The following KLHL4 variants were observed in gnomAD, a reference collection of about 807,000 sequenced individuals.
KLHL4 encodes kelch-like protein 4.
In KLHL4, 17 loss-of-function variants were observed where a neutral mutation model predicts 45.8. That is an observed-to-expected ratio of 0.37 (90% CI 0.25 to 0.56). The LOEUF is 0.56. KLHL4 is among the 20% of genes least tolerant of loss of function. The pLI, the probability that KLHL4 is intolerant of heterozygous loss-of-function variation, is 0.79. For synonymous variants in KLHL4, 224 were observed against 189.9 expected (o/e 1.18, Z -1.47); for missense variants, 544 against 544.9 (o/e 1.00, Z 0.02).
chrX:87,547,367 T>G lies in KLHL4; in HGVS notation c.422+29052T>G, dbSNP rs994086889. 2.3e-4 allele frequency among the ~76,000 whole-genome samples: 26 copies of G among 111,175 alleles called. 1 individual carries two copies. Among genetic ancestry groups the G allele is most frequent in the African/African-American group, 8.5e-4 (26 of 30,519 alleles). On this transcript the variant is annotated intron_variant, in intron 1 of 10. Coordinates refer to ENST00000373119, the MANE Select transcript of KLHL4 (RefSeq NM_019117.5). ...TGCTGCAGTTTAAGAGGTGCCTGCT[T>G]CCCCTTTCACCATGAATGTAGGTTT...
chrX:87,632,123 T>C (rs1474845351), intron 6 of KLHL4, 87 bp from the exon 7 acceptor site: 1 of 530,086 alleles, frequency 1.9e-6, no homozygotes, highest in African/African-American at 2.3e-5. Context: ...TGCTGTAAGT[T>C]ATGGGTACAT....
At chrX:87,550,925 A>G (rs1053652783) in intron 1 of KLHL4, among the ~76,000 whole-genome samples, 44 of 110,927 alleles carry the variant, frequency 4.0e-4, no homozygotes, top group African/African-American at 1.4e-3. Context: ...AGTTGAAAGC[A>G]TCCTTCTGAG....
chrX:87,644,728 T>A (rs1289383693), intron 9 of KLHL4, among the ~76,000 whole-genome samples: 2 of 111,314 alleles, frequency 1.8e-5, no homozygotes, highest in Admixed American at 9.6e-5. Flanking sequence ...TGGAACAGAA[T>A]AGAGAACCCA....
At chrX:87,634,324 C>T (rs1255643268) in intron 8 of KLHL4, among the ~76,000 whole-genome samples, 1 of 111,498 alleles carries the variant, frequency 9.0e-6, no homozygotes, top group Non-Finnish European at 1.9e-5. Flanking sequence ...TTTCAACAAT[C>T]CCTCTCCTGA....
intron 1 of KLHL4, among the ~76,000 whole-genome samples, chrX:87,548,375 A>G (rs887032012): frequency 8.9e-6 from 1 of 111,808 alleles, no homozygotes; most frequent in African/African-American, 3.2e-5. Context: ...ACTTCAGGAA[A>G]ACAAACAAAC....
chrX:87,657,082 C>T (rs1398686942), intron 9 of KLHL4, among the ~76,000 whole-genome samples: 3 of 110,955 alleles, frequency 2.7e-5, no homozygotes, highest in Non-Finnish European at 5.7e-5. Flanking sequence ...TGGCAGAGCT[C>T]TCCATAAGCT....
intron 9 of KLHL4, among the ~76,000 whole-genome samples, chrX:87,663,812 A>T (rs552510497): frequency 2.3e-4 from 26 of 112,317 alleles, no homozygotes; most frequent in African/African-American, 6.8e-4. Flanking sequence ...AAAATTGTAG[A>T]TGTGAGAGCA....
intron 9 of KLHL4, among the ~76,000 whole-genome samples, chrX:87,642,295 T>G (rs1923488112): frequency 9.0e-6 from 1 of 110,693 alleles, no homozygotes; most frequent in Non-Finnish European, 1.9e-5. Context: ...GAGACAACAA[T>G]CACTGCAGTT....
At chrX:87,531,394 T>C (rs1211464171) in intron 1 of KLHL4, among the ~76,000 whole-genome samples, 2 of 111,490 alleles carry the variant, frequency 1.8e-5, no homozygotes, top group Non-Finnish European at 3.8e-5. Context: ...GTTTGTATGG[T>C]TTTAGGTCTA....
intron 1 of KLHL4, among the ~76,000 whole-genome samples, chrX:87,605,061 C>T (rs1308280891): frequency 9.0e-6 from 1 of 111,242 alleles, no homozygotes; most frequent in African/African-American, 3.3e-5. Context: ...TTATTGAAAA[C>T]CACTTGACTA....
intron 1 of KLHL4, among the ~76,000 whole-genome samples, chrX:87,610,030 A>G (rs1251120217): frequency 4.5e-5 from 5 of 111,588 alleles, no homozygotes; most frequent in Admixed American, 9.6e-5. Context: ...TGTCAAAACT[A>G]TATCAAGGAT....
intron 1 of KLHL4, among the ~76,000 whole-genome samples, chrX:87,531,698 A>C (rs1487337707): frequency 1.9e-5 from 2 of 103,921 alleles, no homozygotes; most frequent in Non-Finnish European, 3.9e-5. Flanking sequence ...ACAGACAAAC[A>C]GAGAGCCAAA....
intron 1 of KLHL4, among the ~76,000 whole-genome samples, chrX:87,589,814 G>C (rs1921599776): frequency 9.2e-6 from 1 of 109,149 alleles, no homozygotes; most frequent in Non-Finnish European, 1.9e-5. Flanking sequence ...TGGATCACCT[G>C]AGGTCGGGAG....
intron 1 of KLHL4, among the ~76,000 whole-genome samples, chrX:87,530,854 C>G (rs1306432572): frequency 9.2e-6 from 1 of 108,914 alleles, no homozygotes; most frequent in South Asian, 4.1e-4. Context: ...ACACTGACTT[C>G]CAAAATGGTT....
At chrX:87,550,141 AT>A (rs1345965983) in intron 1 of KLHL4, among the ~76,000 whole-genome samples, 2 of 111,273 alleles carry the variant, frequency 1.8e-5, no homozygotes, top group Non-Finnish European at 3.8e-5. Flanking sequence ...ATGCCAATAA[AT>A]TGGAAAATAA....
At chrX:87,607,473 C>A (rs898203958) in intron 1 of KLHL4, among the ~76,000 whole-genome samples, 9 of 111,806 alleles carry the variant, frequency 8.0e-5, no homozygotes, top group Non-Finnish European at 1.1e-4. Flanking sequence ...CCAGCTTACA[C>A]TCCATGTAGC....
chrX:87,544,964 G>A (rs1931642432), intron 1 of KLHL4, among the ~76,000 whole-genome samples: 3 of 111,917 alleles, frequency 2.7e-5, no homozygotes, highest in Admixed American at 9.5e-5. Flanking sequence ...ATTAAATATG[G>A]CACTAGTGAC....
intron 1 of KLHL4, among the ~76,000 whole-genome samples, chrX:87,606,436 G>T (rs1187278249): frequency 9.0e-6 from 1 of 110,673 alleles, no homozygotes; most frequent in African/African-American, 3.3e-5. Context: ...ATGAAATTAA[G>T]AATTGGTTAT....
chrX:87,600,706 A>G (rs1921991750), intron 1 of KLHL4, among the ~76,000 whole-genome samples: 1 of 111,622 alleles, frequency 9.0e-6, no homozygotes, highest in Admixed American at 9.5e-5. Flanking sequence ...AGCCTCGGGT[A>G]TTTCTTTATA....
Sources: gnomAD v4.1 joint callset for allele counts (sites outside exome capture counted in the v4.1 genomes callset) on GRCh38, gnomAD v4.1.1 for gene constraint, MANE v1.5 for transcripts, NCBI Gene and HGNC (gene_info 2026-07-23, HGNC 2026-07-21) for gene names.